Variants in BARX2 observed in about 807,000 individuals in gnomAD.
The protein encoded by BARX2 is homeobox protein BarH-like 2.
In BARX2, 11 loss-of-function variants were observed where a neutral mutation model predicts 25.5. The observed-to-expected ratio is 0.43, with a 90% CI of 0.27 to 0.71. BARX2 has a LOEUF of 0.71. Among genes scored for constraint, BARX2 ranks in the 30% least tolerant of loss-of-function variants. BARX2 has a pLI of 0.19. For missense variants in BARX2, 360 were observed against 359.9 expected, an observed-to-expected ratio of 1.00 and a Z score of 0.00; for synonymous variants, 137 against 149.5, an observed-to-expected ratio of 0.92 and a Z score of 0.61.
chr11:129,383,365 C>A (rs1301848295), intron 1 of BARX2, among the ~76,000 whole-genome samples: 1 of 152,130 alleles, frequency 6.6e-6, no homozygotes, highest in Non-Finnish European at 1.5e-5. Flanking sequence ...GAAAGCCATG[C>A]ACCTAGATAG....
chr11:129,450,293 G>A (rs531012963), intron 3 of BARX2, among the ~76,000 whole-genome samples: 1 of 152,254 alleles, frequency 6.6e-6, no homozygotes, highest in East Asian at 1.9e-4. Context: ...TTTGATCATT[G>A]TTGAAAGTTT....
chr11:129,396,322 C>T (rs1201937839), intron 1 of BARX2, among the ~76,000 whole-genome samples: 2 of 151,960 alleles, frequency 1.3e-5, no homozygotes, highest in Non-Finnish European at 2.9e-5. Context: ...CGTCTCCCTG[C>T]CCTGGGATTT....
intron 1 of BARX2, among the ~76,000 whole-genome samples, chr11:129,423,696 T>C (rs891621000): frequency 6.6e-5 from 10 of 152,120 alleles, no homozygotes; most frequent in Non-Finnish European, 1.3e-4. Context: ...TTCTTGAAAT[T>C]CTCTTTGGCC....
chr11:129,420,913 C>T (rs748884383), intron 1 of BARX2, among the ~76,000 whole-genome samples: 49 of 152,264 alleles, frequency 3.2e-4, no homozygotes, highest in Non-Finnish European at 5.9e-4. Context: ...AATCATTGTA[C>T]CTTGGTACCA....
At chr11:129,442,637 G>GTTTCTCAA in intron 2 of BARX2, 198 bp from the exon 3 acceptor site, 1 of 504,780 alleles carries the variant, frequency 2.0e-6, no homozygotes, top group African/African-American at 5.3e-5. Context: ...ATGGGCATCT[G>GTTTCTCAA]TTTCTCAGCT....
chr11:129,439,253 A>T (rs1297949651), intron 2 of BARX2, among the ~76,000 whole-genome samples: 1 of 152,268 alleles, frequency 6.6e-6, no homozygotes, highest in East Asian at 1.9e-4. Flanking sequence ...GTGGGAACAG[A>T]GAGGCAGGAA....
intron 1 of BARX2, among the ~76,000 whole-genome samples, chr11:129,410,738 A>C (rs750832557): frequency 1.3e-5 from 2 of 152,196 alleles, no homozygotes; most frequent in Non-Finnish European, 2.9e-5. Context: ...GTTTTCTGCC[A>C]GCAGGTGGGG....
chr11:129,448,048 T>C (rs1862352178), intron 3 of BARX2, among the ~76,000 whole-genome samples: 1 of 152,224 alleles, frequency 6.6e-6, no homozygotes, highest in African/African-American at 2.4e-5. Context: ...GTGTGTTAGC[T>C]GTTGATGCGG....
intron 3 of BARX2, among the ~76,000 whole-genome samples, chr11:129,450,879 G>C (rs1436964443): frequency 6.6e-6 from 1 of 152,064 alleles, no homozygotes; most frequent in Non-Finnish European, 1.5e-5. Context: ...TATTGTTGAA[G>C]TTGAATTCTG....
intron 1 of BARX2, among the ~76,000 whole-genome samples, chr11:129,426,957 A>T (rs951301243): frequency 1.3e-5 from 2 of 152,094 alleles, no homozygotes; most frequent in East Asian, 1.9e-4. Context: ...GCATTGGAAG[A>T]CTTCCATTGA....
At chr11:129,430,192 C>T (rs1437653634) in intron 1 of BARX2, among the ~76,000 whole-genome samples, 1 of 152,182 alleles carries the variant, frequency 6.6e-6, no homozygotes, top group African/African-American at 2.4e-5. Flanking sequence ...TTCCCAACTT[C>T]ATTTCTTTGG....
intron 2 of BARX2, chr11:129,437,604 G>C: frequency 2.7e-6 from 2 of 754,592 alleles, no homozygotes; most frequent in Non-Finnish European, 3.2e-6. Context: ...AGGAGGACCT[G>C]GCTGAGAGCC....
At position 129,451,892 on chromosome 11, in the gene BARX2, G is replaced by A. The variant is rs575069502; in HGVS notation, c.*490G>A. The A allele has an allele frequency of 6.5e-6, 1 of 152,846 alleles. No homozygotes were observed. Among genetic ancestry groups the A allele is most frequent in the Non-Finnish European group, 1.4e-5 (1 of 69,244 alleles). 9.5% of individuals were successfully genotyped at this position (152,846 alleles called of 1,614,324 possible). On this transcript the variant is annotated 3_prime_UTR_variant, in exon 4 of 4. Coordinates refer to ENST00000281437, the MANE Select transcript of BARX2 (RefSeq NM_003658.5). ...TTAATGTTTTTGGTTGTATTTTTTT[G>A]GGGGGGTGAGGGTGGGCAAAAACAT...
chr11:129,390,717 C>T lies in BARX2; in HGVS notation c.187+14495C>T, dbSNP rs372707395. 6.6e-6 allele frequency among the ~76,000 whole-genome samples: 1 copy of T among 152,168 alleles called. No individual in the cohort carries two copies. Among genetic ancestry groups the T allele is most frequent in the African/African-American group, 2.4e-5 (1 of 41,456 alleles). On this transcript the variant is annotated intron_variant, in intron 1 of 3. Transcript: ENST00000281437. This position sits in a 1 kb window ranked among gnomAD's most constrained non-coding sequence, Gnocchi z 4.3. ...GTGAGTACGTGCTTATTTTCAGAGG[C>T]GTTCCCCATAACTGACAGCAGTCAA...
At chr11:129,398,295 G>C (rs1402634104) in intron 1 of BARX2, among the ~76,000 whole-genome samples, 1 of 152,120 alleles carries the variant, frequency 6.6e-6, no homozygotes, top group East Asian at 1.9e-4. Context: ...AATTAGGTAG[G>C]GCTTTGTGTT....
rs564325970 is a variant in BARX2 at position 129,388,743 on chromosome 11, G to A, written c.187+12521G>A. Among the ~76,000 whole-genome samples the A allele has an allele frequency of 5.3e-5, 8 of 152,286 alleles. No homozygotes were observed. The East Asian group carries it at 1.2e-3, about 22-fold the overall frequency. ...CCTTTCTGTATGATTGCAATGAAAA[G>A]TCAACTCTGGGAACCACAATAATGT... On this transcript the variant is annotated intron_variant, in intron 1 of 3. Transcript: ENST00000281437.
chr11:129,400,653 G>A (rs1338631044), intron 1 of BARX2, among the ~76,000 whole-genome samples: 1 of 152,216 alleles, frequency 6.6e-6, no homozygotes. Context: ...GTTTAAGCAA[G>A]AGAATAACAT....
rs73570839 is a variant in BARX2, at chr11:129,442,079, T to C, written c.489-756T>C. Among the ~76,000 whole-genome samples, 258 of 152,344 alleles carry C rather than the reference T, an allele frequency of 1.7e-3. 1 individual carries two copies. The highest frequency in any genetic ancestry group is 5.9e-3 in the African/African-American group (247 of 41,578). On this transcript the variant is annotated intron_variant, in intron 2 of 3. Transcript: ENST00000281437. ...AAAACAGGAAGGGCTGTGGATTTAA[T>C]GTTTCTTTTGGAATCTTTATAATAT... is the stretch of plus-strand genomic sequence containing the variant.
At chr11:129,443,037 C>T in intron 3 of BARX2, 118 bp downstream of exon 3, 1 of 849,324 alleles carries the variant, frequency 1.2e-6, no homozygotes, top group Non-Finnish European at 1.9e-6. Context: ...GGAAGGCCTT[C>T]TATGCTGCTG....
Sources: gnomAD v4.1 joint callset for allele counts (sites outside exome capture counted in the v4.1 genomes callset) on GRCh38, gnomAD v4.1.1 for gene constraint, Gnocchi (gnomAD v3.1) non-coding constraint, MANE v1.5 for transcripts, NCBI Gene and HGNC (gene_info 2026-07-23, HGNC 2026-07-21) for gene names.